MRPS27: variants seen among roughly 807,000 people sequenced by gnomAD.
The protein encoded by MRPS27 is small ribosomal subunit protein mS27.
In MRPS27, 43 loss-of-function variants were observed where a neutral mutation model predicts 48.9. That is an observed-to-expected ratio of 0.88 (90% CI 0.69 to 1.13). The LOEUF is 1.13. Ranked by LOEUF, MRPS27 falls within the 50% of genes most tolerant of loss-of-function variation. MRPS27 has a pLI of 0.00. For missense variants in MRPS27, 467 were observed against 476.3 expected, an observed-to-expected ratio of 0.98 and a Z score of 0.18; for synonymous variants, 188 against 171.9, an observed-to-expected ratio of 1.09 and a Z score of -0.73.
chr5:72,287,523 CA>C (rs1216318896), intron 4 of MRPS27, among the ~76,000 whole-genome samples: 1 of 152,182 alleles, frequency 6.6e-6, no homozygotes, highest in Non-Finnish European at 1.5e-5. Context: ...CCTGTAATCC[CA>C]GCTACTTGGG....
At chr5:72,265,700 G>C (rs1306539509) in intron 4 of MRPS27, among the ~76,000 whole-genome samples, 2 of 152,106 alleles carry the variant, frequency 1.3e-5, no homozygotes, top group Non-Finnish European at 2.9e-5. Flanking sequence ...GTCTCACAGA[G>C]CTATAAACTA....
intron 10 of MRPS27, among the ~76,000 whole-genome samples, chr5:72,221,779 T>C (rs540698103): frequency 3.9e-5 from 6 of 152,380 alleles, no homozygotes; most frequent in Admixed American, 3.3e-4. Flanking sequence ...GTCTGCCTGC[T>C]GTGCTCCACT....
chr5:72,259,319 T>C (rs1165739598), intron 4 of MRPS27, among the ~76,000 whole-genome samples: 1 of 151,860 alleles, frequency 6.6e-6, no homozygotes, highest in Non-Finnish European at 1.5e-5. Flanking sequence ...AAATACAAAA[T>C]TAGCCAAGCA....
intron 2 of MRPS27, among the ~76,000 whole-genome samples, chr5:72,298,685 C>A (rs1750045620): frequency 7.0e-6 from 1 of 142,198 alleles, no homozygotes; most frequent in African/African-American, 2.6e-5. Flanking sequence ...CGCAGTCCGG[C>A]CTGGGAGACA....
intron 2 of MRPS27, among the ~76,000 whole-genome samples, chr5:72,305,765 C>G (rs1273296510): frequency 2.6e-5 from 4 of 152,246 alleles, no homozygotes; most frequent in Non-Finnish European, 5.9e-5. Flanking sequence ...GCCTGCCCTC[C>G]TACCAACACC....
intron 8 of MRPS27, 117 bp from the exon 9 acceptor site, chr5:72,226,316 T>C: frequency 1.7e-6 from 2 of 1,204,376 alleles, no homozygotes; most frequent in East Asian, 4.8e-5. Context: ...TAGAGAAGGA[T>C]CATTTTAAAT....
chr5:72,228,031 A>C (rs957995861), intron 8 of MRPS27: 1 of 543,102 alleles, frequency 1.8e-6, no homozygotes, highest in Non-Finnish European at 3.2e-6. Context: ...GAATATTATT[A>C]CCTATATCCA....
intron 3 of MRPS27, among the ~76,000 whole-genome samples, chr5:72,296,220 A>C (rs941022435): frequency 3.3e-4 from 50 of 152,154 alleles, no homozygotes; most frequent in African/African-American, 1.2e-3. Flanking sequence ...TAAAATAGAG[A>C]CTCAGAGGCA....
At position 72,296,259 on chromosome 5, in the gene MRPS27, T is replaced by C. The variant is rs543337984; in HGVS notation, c.223-670A>G. Among the ~76,000 whole-genome samples, 3 of 151,864 alleles carry C rather than the reference T, an allele frequency of 2.0e-5. No homozygotes were observed. The South Asian group carries it at 6.2e-4, about 32-fold the overall frequency. ...AAGAAAAAAAAAGCGTAGAAGACAATGCATGTTGTGAATATAATGAAAACC... is the reference window on the plus strand; with the variant it reads ...AAGAAAAAAAAAGCGTAGAAGACAACGCATGTTGTGAATATAATGAAAACC... On this transcript the variant is annotated intron_variant, in intron 3 of 10. Transcript: ENST00000261413.
chr5:72,297,945 A>T (rs951710472), intron 2 of MRPS27, among the ~76,000 whole-genome samples: 1 of 152,204 alleles, frequency 6.6e-6, no homozygotes, highest in Non-Finnish European at 1.5e-5. Flanking sequence ...AAAAAAATGG[A>T]TCAATTTGAA....
intron 4 of MRPS27, among the ~76,000 whole-genome samples, chr5:72,261,567 G>A (rs966188526): frequency 5.3e-5 from 8 of 151,512 alleles, no homozygotes; most frequent in African/African-American, 1.9e-4. Context: ...CTGCACTTTT[G>A]TACTAGATTA....
intron 4 of MRPS27, among the ~76,000 whole-genome samples, chr5:72,293,551 G>A (rs1439396817): frequency 1.3e-5 from 2 of 152,146 alleles, no homozygotes; most frequent in African/African-American, 4.8e-5. Flanking sequence ...ATCATGTGAA[G>A]AATTAATCAT....
At chr5:72,306,243 TA>T (rs1301990639) in intron 2 of MRPS27, among the ~76,000 whole-genome samples, 2 of 152,190 alleles carry the variant, frequency 1.3e-5, no homozygotes, top group Non-Finnish European at 2.9e-5. Flanking sequence ...AAAGAAATGA[TA>T]AAATTTAAAC....
At chr5:72,319,025 G>A (rs1412619034) in intron 1 of MRPS27, among the ~76,000 whole-genome samples, 2 of 152,182 alleles carry the variant, frequency 1.3e-5, no homozygotes, top group African/African-American at 4.8e-5. Context: ...GTTTCACATT[G>A]ACGTTTAATG....
At chr5:72,228,530 G>C (rs1580053429) in intron 7 of MRPS27, 162 bp from the exon 8 acceptor site, 1 of 465,296 alleles carries the variant, frequency 2.1e-6, no homozygotes, top group Non-Finnish European at 3.7e-6. Context: ...GGATTAAAAG[G>C]TACTTACGTC....
chr5:72,225,604 G>C (rs10036009), intron 9 of MRPS27, among the ~76,000 whole-genome samples: 35,693 of 152,130 alleles, frequency 0.23, 4,424 homozygotes, highest in East Asian at 0.39. Context: ...GATCTCATCA[G>C]CATCACACAT....
At chr5:72,292,620 C>G (rs1294948694) in intron 4 of MRPS27, among the ~76,000 whole-genome samples, 1 of 152,176 alleles carries the variant, frequency 6.6e-6, no homozygotes, top group Non-Finnish European at 1.5e-5. Flanking sequence ...GTGCCTGATG[C>G]AATGGCAGAA....
chr5:72,275,117 T>C (rs1470720978), intron 4 of MRPS27, among the ~76,000 whole-genome samples: 1 of 152,164 alleles, frequency 6.6e-6, no homozygotes, highest in African/African-American at 2.4e-5. Context: ...CACGATCCTA[T>C]ATTTAGAAAA....
intron 4 of MRPS27, among the ~76,000 whole-genome samples, chr5:72,251,168 G>A (rs1748654958): frequency 1.3e-5 from 2 of 152,182 alleles, no homozygotes; most frequent in Non-Finnish European, 2.9e-5. Context: ...CTGGGTACCT[G>A]TGTGCAGCAA....
Sources: gnomAD v4.1 joint callset for allele counts (sites outside exome capture counted in the v4.1 genomes callset) on GRCh38, gnomAD v4.1.1 for gene constraint, MANE v1.5 for transcripts, NCBI Gene and HGNC (gene_info 2026-07-23, HGNC 2026-07-21) for gene names.